Variants in CRACD observed in about 807,000 individuals in gnomAD.
The protein encoded by CRACD is capping protein inhibiting regulator of actin dynamics, also known as capping protein-inhibiting regulator of actin dynamics.
Under a neutral mutation model 106.8 loss-of-function variants are expected in CRACD, and 56 were observed. The ratio of observed to expected loss-of-function variants is 0.52; its 90% CI spans 0.42 to 0.66. CRACD has a LOEUF of 0.66. Ranked by LOEUF, CRACD falls within the 30% of genes least tolerant of loss-of-function variation. The pLI, the probability that CRACD is intolerant of heterozygous loss-of-function variation, is 0.00. For synonymous variants in CRACD, 754 were observed against 670.8 expected, an observed-to-expected ratio of 1.12 and a Z score of -1.92; for missense variants, 1,730 against 1,623.2, an observed-to-expected ratio of 1.07 and a Z score of -1.13.
Position 56,328,207 on chromosome 4 carries a change from A to T in CRACD, c.*403A>T, listed in dbSNP as rs370092720. Reference sequence around the variant, plus strand: ...TATGCACTAATTTTCTTTGTCCAAAACATTTACTCTACCATATGTCTGGGA... The same window carrying T: ...TATGCACTAATTTTCTTTGTCCAAATCATTTACTCTACCATATGTCTGGGA... On this transcript the variant is annotated 3_prime_UTR_variant, in exon 11 of 11. Transcript: ENST00000682029. The T allele has an allele frequency of 5.4e-4, 231 of 430,066 alleles. 1 individual carries two copies. Among genetic ancestry groups the T allele is most frequent in the South Asian group, 4.0e-3 (215 of 53,742 alleles). The allele number at this position is 430,066 out of a possible 1,614,324, so 26.6% of individuals were successfully genotyped here. A position where few individuals can be genotyped will look rare whatever the true frequency, so the allele number is the denominator to read the frequency against.
chr4:56,183,287 A>AATAAAATAAAAT (rs1553908099), intron 2 of CRACD, among the ~76,000 whole-genome samples: 7 of 148,026 alleles, frequency 4.7e-5, no homozygotes, highest in African/African-American at 1.8e-4. Flanking sequence ...AAATAAAATA[A>AATAAAATAAAAT]AAAGAATTAG....
chr4:56,288,384 GC>G (rs1446950472), intron 3 of CRACD: 2 of 233,344 alleles, frequency 8.6e-6, no homozygotes, highest in Non-Finnish European at 1.7e-5. Context: ...ATCAGCTCTT[GC>G]CCCCCGCTCC....
intron 1 of CRACD, among the ~76,000 whole-genome samples, chr4:56,163,929 G>A (rs1390246929): frequency 6.6e-6 from 1 of 151,930 alleles, no homozygotes; most frequent in African/African-American, 2.4e-5. Flanking sequence ...TGTATTTTTA[G>A]TAGAGACGGG....
chr4:56,180,497 T>C (rs1577716953), intron 2 of CRACD, among the ~76,000 whole-genome samples: 1 of 48,662 alleles, frequency 2.1e-5, no homozygotes, highest in African/African-American at 1.2e-4. Context: ...TCAAAATAAA[T>C]AAATAAATAA....
At position 56,093,301 on chromosome 4, in the gene CRACD, A is replaced by T. The variant is rs554412640; in HGVS notation, c.-336+44002A>T. Among the ~76,000 whole-genome samples the T allele has an allele frequency of 5.3e-5, 8 of 152,294 alleles. No individual in the cohort carries two copies. The East Asian group carries it at 1.5e-3, about 29-fold the overall frequency. Reference sequence around the variant, plus strand: ...TTCCCCACTTCCTGATGCGATGTTAAGTCCTGCCTCCTGTAGGTACTTGGG... The same window carrying T: ...TTCCCCACTTCCTGATGCGATGTTATGTCCTGCCTCCTGTAGGTACTTGGG... On this transcript the variant is annotated intron_variant, in intron 1 of 10. Transcript: ENST00000682029.
intron 2 of CRACD, among the ~76,000 whole-genome samples, chr4:56,198,920 T>A (rs1489052157): frequency 6.6e-6 from 1 of 152,202 alleles, no homozygotes; most frequent in Admixed American, 6.5e-5. Flanking sequence ...TATGTAGTGT[T>A]CAGTAGTCAA....
chr4:56,108,719 A>G (rs977563969), intron 1 of CRACD, among the ~76,000 whole-genome samples: 28 of 152,176 alleles, frequency 1.8e-4, no homozygotes, highest in Admixed American at 9.2e-4. Flanking sequence ...TGATCATGGG[A>G]CAGGGGGCCC....
intron 1 of CRACD, among the ~76,000 whole-genome samples, chr4:56,055,964 A>G (rs149580618): frequency 0.012 from 1,775 of 152,308 alleles, 26 homozygotes; most frequent in Non-Finnish European, 0.019. Flanking sequence ...GCCTGTGCAC[A>G]TTTGTATTAT....
intron 1 of CRACD, among the ~76,000 whole-genome samples, chr4:56,071,851 G>C (rs1025600665): frequency 5.9e-5 from 9 of 151,884 alleles, no homozygotes; most frequent in African/African-American, 2.2e-4. Context: ...ATTGGGGCCG[G>C]GCGCGGTGGC....
chr4:56,102,746 C>G (rs1222887928), intron 1 of CRACD, among the ~76,000 whole-genome samples: 1 of 152,212 alleles, frequency 6.6e-6, no homozygotes, highest in Admixed American at 6.5e-5. Context: ...CTGGATTCGA[C>G]CCCTCCTGCT....
intron 1 of CRACD, among the ~76,000 whole-genome samples, chr4:56,065,644 G>T (rs771990127): frequency 2.2e-4 from 34 of 152,190 alleles, no homozygotes; most frequent in African/African-American, 5.3e-4. Flanking sequence ...TGGTTTTTTT[G>T]TTGTTGTTGT....
intron 1 of CRACD, among the ~76,000 whole-genome samples, chr4:56,116,133 T>C (rs1245692074): frequency 6.6e-6 from 1 of 152,192 alleles, no homozygotes; most frequent in Non-Finnish European, 1.5e-5. Flanking sequence ...CTGTAAGAGA[T>C]TGTAAGTCTT....
Position 56,313,202 on chromosome 4 carries a change from T to A in CRACD, c.360T>A (p.Ala120=). ...GAGSEMEEKV[A]PVKPSRPKRH... ...TATTTTAATCTCCCCTACAGGTTGC[T>A]CCCGTTAAACCGTCTCGGCCAAAAA... The change falls in exon 7 of 11, where the codon GCT becomes GCA. Residue 120 remains alanine (A), a synonymous_variant. Transcript: ENST00000682029. 6.2e-7 allele frequency: 1 copy of A among 1,613,930 alleles called. No individual in the cohort carries two copies. The highest frequency in any genetic ancestry group is 8.5e-7 in the Non-Finnish European group (1 of 1,179,936).
intron 4 of CRACD, among the ~76,000 whole-genome samples, chr4:56,302,700 C>A (rs890866202): frequency 1.4e-4 from 21 of 152,076 alleles, no homozygotes; most frequent in Non-Finnish European, 2.2e-4. Flanking sequence ...GTAGTTTGCT[C>A]AAAAAGACAG....
At chr4:56,108,319 A>G (rs1280686225) in intron 1 of CRACD, among the ~76,000 whole-genome samples, 1 of 152,220 alleles carries the variant, frequency 6.6e-6, no homozygotes, top group Admixed American at 6.5e-5. Context: ...AGGACACAAC[A>G]TCACTTCTCT....
chr4:56,319,649 T>C (rs1306133516), intron 8 of CRACD, among the ~76,000 whole-genome samples: 2 of 152,134 alleles, frequency 1.3e-5, no homozygotes, highest in African/African-American at 4.8e-5. Flanking sequence ...TATCCTTACA[T>C]TTAAAAATAG....
chr4:56,117,017 A>ATTT (rs751420774), intron 1 of CRACD, among the ~76,000 whole-genome samples: 35 of 96,254 alleles, frequency 3.6e-4, no homozygotes, highest in East Asian at 2.3e-3. Context: ...CGAATTTTTA[A>ATTT]TTTTTTTTTT....
At chr4:56,093,810 A>G (rs1426361086) in intron 1 of CRACD, among the ~76,000 whole-genome samples, 1 of 152,194 alleles carries the variant, frequency 6.6e-6, no homozygotes, top group East Asian at 1.9e-4. Context: ...ATAGTGATTC[A>G]TTGGAAGAAA....
At position 56,330,007 on chromosome 4, in the gene CRACD, G is replaced by A. The variant is rs1746702964; in HGVS notation, c.*2203G>A. ...GCAGTCACAATACTTACTTCTAACAGCTTCTAAAGGGTACATGTTTAACAT... is the reference window on the plus strand; with the variant it reads ...GCAGTCACAATACTTACTTCTAACAACTTCTAAAGGGTACATGTTTAACAT... On this transcript the variant is annotated 3_prime_UTR_variant, in exon 11 of 11. Coordinates refer to ENST00000682029, the MANE Select transcript of CRACD (RefSeq NM_001393381.1). Among the ~76,000 whole-genome samples, 1 of 152,124 alleles carries A rather than the reference G, an allele frequency of 6.6e-6. No homozygotes were observed. The highest frequency in any genetic ancestry group is 2.4e-5 in the African/African-American group (1 of 41,414).
Sources: gnomAD v4.1 joint callset for allele counts (sites outside exome capture counted in the v4.1 genomes callset) on GRCh38, gnomAD v4.1.1 for gene constraint, MANE v1.5 for transcripts, NCBI Gene and HGNC (gene_info 2026-07-23, HGNC 2026-07-21) for gene names.